The following GLDN variants were observed in gnomAD, a reference collection of about 807,000 sequenced individuals.
The protein encoded by GLDN is gliomedin.
GLDN carries 47 observed loss-of-function variants against 56.5 expected under a neutral mutation model. That is an observed-to-expected ratio of 0.83 (90% confidence interval 0.66 to 1.06). The LOEUF (loss-of-function observed/expected upper bound fraction) is 1.06. GLDN is among the 50% of genes least tolerant of loss of function. GLDN has a pLI of 0.00. For missense variants in GLDN, 782 were observed against 714.3 expected (o/e 1.09, Z -1.08); for synonymous variants, 332 against 278.8 (o/e 1.19, Z -1.90).
At chr15:51,394,707 G>A in intron 4 of GLDN, 128 bp from the exon 5 acceptor site, 1 of 817,624 alleles carries the variant, frequency 1.2e-6, no homozygotes, top group Non-Finnish European at 2.0e-6. Flanking sequence ...GCTCTAAAAT[G>A]GTTATGAAAT....
intron 1 of GLDN, among the ~76,000 whole-genome samples, chr15:51,355,725 G>A (rs530539698): frequency 1.0e-3 from 150 of 149,302 alleles, no homozygotes; most frequent in South Asian, 4.3e-3. Context: ...GGGTTTCACC[G>A]TGTTAGCCGG....
chr15:51,374,614 G>T (rs1428795818), intron 1 of GLDN, among the ~76,000 whole-genome samples: 1 of 152,134 alleles, frequency 6.6e-6, no homozygotes, highest in Admixed American at 6.5e-5. Context: ...GAGCTATTGG[G>T]GGTGAGGGGA....
At chr15:51,395,116 G>A in intron 5 of GLDN, 135 bp downstream of exon 5, 1 of 858,036 alleles carries the variant, frequency 1.2e-6, no homozygotes. Context: ...AGCATGTTTT[G>A]GAGTTCTATG....
chr15:51,353,514 A>C (rs1270816599), intron 1 of GLDN, among the ~76,000 whole-genome samples: 4 of 152,144 alleles, frequency 2.6e-5, no homozygotes, highest in African/African-American at 9.7e-5. Flanking sequence ...TGGCTCAGCT[A>C]TTGTTAACTT....
intron 8 of GLDN, 136 bp from the exon 9 acceptor site, chr15:51,401,457 T>C (rs1422374457): frequency 1.4e-6 from 1 of 738,614 alleles, no homozygotes; most frequent in Admixed American, 2.5e-5. Flanking sequence ...AGTCTTAGAC[T>C]CTTCACACTG....
At chr15:51,397,064 T>C (rs1282880347) in intron 5 of GLDN, among the ~76,000 whole-genome samples, 1 of 152,070 alleles carries the variant, frequency 6.6e-6, no homozygotes, top group African/African-American at 2.4e-5. Flanking sequence ...TGAACCCCAA[T>C]TGAAAAGACC....
chr15:51,399,184 C>A (rs2038197298), intron 6 of GLDN, among the ~76,000 whole-genome samples: 1 of 152,152 alleles, frequency 6.6e-6, no homozygotes, highest in Non-Finnish European at 1.5e-5. Flanking sequence ...ATCCCCGACA[C>A]CACTCTCATC....
chr15:51,357,818 C>T (rs919044267), intron 1 of GLDN, among the ~76,000 whole-genome samples: 6 of 152,178 alleles, frequency 3.9e-5, no homozygotes, highest in Admixed American at 1.3e-4. Flanking sequence ...CTTTCCTACC[C>T]CTGAATTTAA....
chr15:51,360,657 C>T (rs1369130618), intron 1 of GLDN: 1 of 152,222 alleles, frequency 6.6e-6, no homozygotes, highest in Non-Finnish European at 1.5e-5. Context: ...TCAAAGGGGT[C>T]CTAGGACAGC....
rs138167670 is a variant in GLDN, at chr15:51,404,837, C to A, written c.*83C>A. 117 of 720,608 alleles carry A rather than the reference C, an allele frequency of 1.6e-4. No individual in the cohort carries two copies. In the African/African-American group the frequency reaches 1.8e-3, roughly 11 times the overall value. The allele number at this position is 720,608 out of a possible 1,614,324, so 44.6% of individuals were successfully genotyped here. A position where few individuals can be genotyped will look rare whatever the true frequency, so the allele number is the denominator to read the frequency against. ...CCCAACAGGAAACTTGTTTTTTTAA[C>A]GTCAGCCAGATATTTAGAAAATAAC... is the stretch of plus-strand genomic sequence containing the variant. On this transcript the variant is annotated 3_prime_UTR_variant, in exon 10 of 10. Coordinates refer to ENST00000335449, the MANE Select transcript of GLDN (RefSeq NM_181789.4).
At chr15:51,378,601 A>G (rs1224880816) in intron 2 of GLDN, among the ~76,000 whole-genome samples, 1 of 152,066 alleles carries the variant, frequency 6.6e-6, no homozygotes, top group Non-Finnish European at 1.5e-5. Flanking sequence ...ACCACTTAGG[A>G]GAGATTGGCA....
At chr15:51,345,432 A>G (rs932004161) in intron 1 of GLDN, among the ~76,000 whole-genome samples, 8 of 152,242 alleles carry the variant, frequency 5.3e-5, no homozygotes, top group African/African-American at 1.9e-4. Context: ...CTCTAACAAG[A>G]AAATCAGCCT....
chr15:51,368,737 C>A (rs529953828), intron 1 of GLDN, among the ~76,000 whole-genome samples: 2 of 152,020 alleles, frequency 1.3e-5, no homozygotes, highest in South Asian at 2.1e-4. Flanking sequence ...AAGGAGGAAG[C>A]GTTTTGGCCT....
At chr15:51,388,445 G>C (rs897344287) in intron 4 of GLDN, among the ~76,000 whole-genome samples, 5 of 152,072 alleles carry the variant, frequency 3.3e-5, no homozygotes, top group Non-Finnish European at 7.4e-5. Flanking sequence ...GACTCCCCAA[G>C]CGCAATCAAT....
At chr15:51,396,005 A>C (rs2038119970) in intron 5 of GLDN, among the ~76,000 whole-genome samples, 1 of 152,120 alleles carries the variant, frequency 6.6e-6, no homozygotes, top group Non-Finnish European at 1.5e-5. Context: ...GAGATGACCC[A>C]AGCCATTCAT....
chr15:51,342,709 G>A (rs907135059), intron 1 of GLDN, among the ~76,000 whole-genome samples: 3 of 152,184 alleles, frequency 2.0e-5, no homozygotes, highest in Non-Finnish European at 4.4e-5. Flanking sequence ...CAGTGTCAAA[G>A]CTGAGGTTCT....
At chr15:51,353,493 C>T (rs1295464690) in intron 1 of GLDN, among the ~76,000 whole-genome samples, 1 of 152,098 alleles carries the variant, frequency 6.6e-6, no homozygotes, top group African/African-American at 2.4e-5. Flanking sequence ...TCATCTTCAC[C>T]ACTCTCCGAC....
intron 1 of GLDN, among the ~76,000 whole-genome samples, chr15:51,358,730 T>C (rs1042738263): frequency 2.0e-5 from 3 of 152,152 alleles, no homozygotes; most frequent in Non-Finnish European, 4.4e-5. Flanking sequence ...AAACCACCCC[T>C]GAGGTGTATT....
intron 1 of GLDN, among the ~76,000 whole-genome samples, chr15:51,374,711 G>A (rs2037592711): frequency 6.8e-6 from 1 of 146,588 alleles, no homozygotes; most frequent in Non-Finnish European, 1.5e-5. Context: ...TAAATTATCT[G>A]TACACATTTC....
Sources: gnomAD v4.1 joint callset for allele counts (sites outside exome capture counted in the v4.1 genomes callset) on GRCh38, gnomAD v4.1.1 for gene constraint, MANE v1.5 for transcripts, NCBI Gene and HGNC (gene_info 2026-07-23, HGNC 2026-07-21) for gene names.